Variants in MED14 observed in about 807,000 individuals in gnomAD.
The protein encoded by MED14 is mediator complex subunit 14, also known as mediator of RNA polymerase II transcription subunit 14.
Under a neutral mutation model 109.0 loss-of-function variants are expected in MED14, and 8 were observed. The observed-to-expected ratio is 0.07, with a 90% confidence interval of 0.04 to 0.13. The LOEUF (loss-of-function observed/expected upper bound fraction) is 0.13, where lower values mean the gene tolerates loss of function less well. Ranked by LOEUF, MED14 falls within the 10% of genes least tolerant of loss-of-function variation. The probability of loss-of-function intolerance (pLI) is 1.00; values close to 1 mark genes in which losing one functional copy is unlikely to be tolerated. For missense variants in MED14, 711 were observed against 1,142.4 expected, an observed-to-expected ratio of 0.62 and a Z score of 5.44; for synonymous variants, 399 against 408.7, an observed-to-expected ratio of 0.98 and a Z score of 0.29.
rs756201161 is a variant in MED14 at position 40,692,820 on chromosome X, C to T, written c.1733G>A (p.Arg578His). 7.4e-6 allele frequency: 9 copies of T among 1,208,606 alleles called. No homozygotes were observed. In the Admixed American group the frequency reaches 1.5e-4, roughly 21 times the overall value. ...CAATGCCATTGCAGGGCTGTCTTCA[C>T]GATCTGCAGCATTCACAGACATAAA... Reference protein sequence around the residue: ...YYFMSVNAADREDSPAMALLL... With the variant: ...YYFMSVNAADHEDSPAMALLL... The change falls in exon 14 of 31, where the codon CGT becomes CAT. Residue 578 changes from arginine to histidine, a missense_variant. Transcript: ENST00000324817.
At chrX:40,718,093 G>C (rs1931600314) in intron 3 of MED14, among the ~76,000 whole-genome samples, 1 of 111,901 alleles carries the variant, frequency 8.9e-6, no homozygotes, top group Non-Finnish European at 1.9e-5. Context: ...AATCAGAAGA[G>C]CTGAAACAAC....
At chrX:40,698,852 T>C (rs1930822634) in intron 12 of MED14, among the ~76,000 whole-genome samples, 1 of 112,448 alleles carries the variant, frequency 8.9e-6, no homozygotes, top group South Asian at 3.6e-4. Flanking sequence ...GAAAACAGTT[T>C]GGCATTTTCT....
intron 21 of MED14, among the ~76,000 whole-genome samples, chrX:40,677,974 T>C (rs1024125998): frequency 6.3e-5 from 7 of 111,718 alleles, no homozygotes; most frequent in Non-Finnish European, 1.3e-4. Context: ...GAGTTCTTTA[T>C]CTAGCCACTT....
At position 40,710,084 on chromosome X, in the gene MED14, T is replaced by G. The variant is rs778076846; in HGVS notation, c.1068A>C (p.Lys356Asn). 1 of 1,182,173 alleles carries G rather than the reference T, an allele frequency of 8.5e-7. No homozygotes were observed. The highest frequency in any genetic ancestry group is 2.4e-5 in the Admixed American group (1 of 41,746). ...GRKTGTASVH[K>N]VTIKIDENDV... ...CATTCTCATCAATTTTAATTGTAAC[T>G]TTGTGAACAGATGCTGTTCCAGTTT... The change falls in exon 9 of 31, where the codon AAA (lysine) becomes AAC (asparagine). Residue 356 changes from lysine (K) to asparagine (N), a missense_variant. Transcript: ENST00000324817.
chrX:40,658,688 C>CAAA (rs60449902), intron 28 of MED14, among the ~76,000 whole-genome samples: 1 of 21,632 alleles, frequency 4.6e-5, no homozygotes, highest in Non-Finnish European at 8.1e-5. Flanking sequence ...CCGTCTCTAC[C>CAAA]AAAAAAAAAA....
At chrX:40,703,316 G>T in intron 11 of MED14, 128 bp downstream of exon 11, 2 of 530,982 alleles carry the variant, frequency 3.8e-6, no homozygotes, top group South Asian at 3.9e-5. Flanking sequence ...CAGAGTTATG[G>T]TTTCCATACC....
chrX:40,707,578 T>TA (rs1931198478), intron 10 of MED14, among the ~76,000 whole-genome samples: 1 of 112,209 alleles, frequency 8.9e-6, no homozygotes, highest in African/African-American at 3.2e-5. Context: ...GGTATAGCCA[T>TA]ACAATGGATT....
At chrX:40,664,017 T>C (rs1278587925) in intron 25 of MED14, among the ~76,000 whole-genome samples, 2 of 110,556 alleles carry the variant, frequency 1.8e-5, no homozygotes, top group Admixed American at 9.7e-5. Flanking sequence ...ACCCCCAAAG[T>C]TGATCACCAG....
At chrX:40,659,938 G>A (rs1052890936) in intron 26 of MED14, 1 of 138,497 alleles carries the variant, frequency 7.2e-6, no homozygotes, top group Non-Finnish European at 1.4e-5. Context: ...AAGTGATTCC[G>A]AATTGCATAA....
chrX:40,654,839 A>C, intron 29 of MED14, 96 bp downstream of exon 29: 9 of 1,042,000 alleles, frequency 8.6e-6, no homozygotes, highest in Non-Finnish European at 1.2e-5. Context: ...TTTGGCAACA[A>C]GAGATAATTT....
chrX:40,723,825 C>T (rs1026822016), intron 3 of MED14, among the ~76,000 whole-genome samples: 1 of 110,067 alleles, frequency 9.1e-6, no homozygotes, highest in Admixed American at 9.7e-5. Flanking sequence ...AACAAAATGG[C>T]AGGAGTAAAT....
rs780799373 is a variant in MED14 at position 40,650,741 on chromosome X, C to T, written c.*1065G>A. 82 of 751,646 alleles carry T rather than the reference C, an allele frequency of 1.1e-4. No homozygotes were observed. The highest frequency in any genetic ancestry group is 1.2e-4 in the Non-Finnish European group (79 of 638,180). 61.9% of individuals were successfully genotyped at this position (751,646 alleles called of 1,213,427 possible). On this transcript the variant is annotated 3_prime_UTR_variant, in exon 31 of 31. Coordinates refer to ENST00000324817, the MANE Select transcript of MED14 (RefSeq NM_004229.4). The stretch of plus-strand genomic sequence containing the variant: ...GTTTCTTCCAAGCAAAACATTCTAT[C>T]GTTTTGTTGACAATGAATTAAATTG...
chrX:40,709,495 T>C (rs775192212), intron 9 of MED14, 36 bp from the exon 10 acceptor site: 2 of 728,072 alleles, frequency 2.7e-6, no homozygotes, highest in Non-Finnish European at 4.0e-6. Context: ...AAATGTGCAA[T>C]TTAAACATTT....
intron 20 of MED14, among the ~76,000 whole-genome samples, chrX:40,680,551 TG>T (rs1297483264): frequency 4.5e-5 from 5 of 111,190 alleles, no homozygotes; most frequent in African/African-American, 1.6e-4. Context: ...CCCAAGTAGC[TG>T]GGACTACAGG....
Position 40,692,233 on chromosome X carries a change from A to G in MED14, c.1930T>C (p.Phe644Leu). The G allele has an allele frequency of 3.3e-6, 4 of 1,209,452 alleles. No homozygotes were observed. Among genetic ancestry groups the G allele is most frequent in the Non-Finnish European group, 4.5e-6 (4 of 893,564 alleles). The change falls in exon 15 of 31, where the codon TTC becomes CTC. Residue 644 changes from phenylalanine (F) to leucine (L), a missense_variant. Physicochemically the swap from Phe to Leu is conservative, Grantham distance 22 (BLOSUM62 0). Around this residue, in one of 8 missense-constraint regions of MED14, gnomAD observed 388 missense variants for 517.3 expected, o/e 0.75. Transcript: ENST00000324817. ...ATATTTGTATCACACATAGCGACGA[A>G]GTGGGCTAAAACTTTATTGAAGGCA... ...MCAFNKVLAH[F>L]VAMCDTNMPF...
At chrX:40,661,725 C>T (rs1929279921) in intron 26 of MED14, among the ~76,000 whole-genome samples, 1 of 112,109 alleles carries the variant, frequency 8.9e-6, no homozygotes, top group African/African-American at 3.2e-5. Flanking sequence ...CAAACCCAGG[C>T]AGCCTGACTG....
At position 40,682,598 on chromosome X, in the gene MED14, C is replaced by A. The variant is rs775624780; in HGVS notation, c.2365+5G>T. 4 of 1,147,153 alleles carry A rather than the reference C, an allele frequency of 3.5e-6. No individual in the cohort carries two copies. The Admixed American group carries it at 1.1e-4, about 31-fold the overall frequency. The allele number at this position is 1,147,153 out of a possible 1,213,427, so 94.5% of individuals were successfully genotyped here. A position where few individuals can be genotyped will look rare whatever the true frequency, so the allele number is the denominator to read the frequency against. On this transcript the variant is annotated splice_donor_5th_base_variant and intron_variant, in intron 18 of 30. Transcript: ENST00000324817. ...ATTTAAAAAGGAGATTATCTCCACA[C>A]GTACCTGGTAGAGAACGTGCAAATT...
chrX:40,679,784 C>T (rs1029223388), intron 21 of MED14, 80 bp downstream of exon 21: 5 of 977,667 alleles, frequency 5.1e-6, no homozygotes, highest in Admixed American at 2.8e-5. Flanking sequence ...TGTTGCTTTT[C>T]CCCATTATTT....
At position 40,650,073 on chromosome X, in the gene MED14, GAA is replaced by G; in HGVS notation, c.*1731_*1732del. 1 of 753,277 alleles carries G rather than the reference GAA, an allele frequency of 1.3e-6. No homozygotes were observed. The highest frequency in any genetic ancestry group is 1.6e-6 in the Non-Finnish European group (1 of 638,184). 62.1% of individuals were successfully genotyped at this position (753,277 alleles called of 1,213,427 possible). Reference sequence around the variant, plus strand: ...TATACATGTAGATTTCTACATGAAAGAAAAGATTCAGCTCCAAATAGAAAAGG... The same window carrying G: ...TATACATGTAGATTTCTACATGAAAGAAGATTCAGCTCCAAATAGAAAAGG... On this transcript the variant is annotated 3_prime_UTR_variant, in exon 31 of 31. Transcript: ENST00000324817.
Sources: gnomAD v4.1 joint callset for allele counts (sites outside exome capture counted in the v4.1 genomes callset) on GRCh38, gnomAD v4.1.1 for gene constraint, gnomAD v4.1.1 regional missense constraint, MANE v1.5 for transcripts, NCBI Gene and HGNC (gene_info 2026-07-23, HGNC 2026-07-21) for gene names.